TTLL4: variants seen among roughly 807,000 people sequenced by gnomAD.
The protein encoded by TTLL4 is tubulin monoglutamylase TTLL4.
A neutral mutation model predicts 122.7 loss-of-function variants in TTLL4; 85 were observed. The observed-to-expected ratio is 0.69, with a 90% confidence interval of 0.58 to 0.83. TTLL4 has a LOEUF of 0.83. TTLL4 is among the 40% of genes least tolerant of loss of function. The pLI is 0.00. For synonymous variants in TTLL4, 553 were observed against 563.0 expected (o/e 0.98, Z 0.25); for missense variants, 1,363 against 1,488.6 (o/e 0.92, Z 1.39).
Position 218,754,131 on chromosome 2 carries a change from C to T in TTLL4, c.3345-3C>T. ...CATTTCTTTCACCACCTATTCCCTC[C>T]AGAAAACAAAGCTCCTGTGAGGTTA... is the stretch of plus-strand genomic sequence containing the variant. On this transcript the variant is annotated splice_region_variant and splice_polypyrimidine_tract_variant and intron_variant, in intron 19 of 19. Coordinates refer to ENST00000392102, the MANE Select transcript of TTLL4 (RefSeq NM_014640.5). 1 of 1,614,114 alleles carries T rather than the reference C, an allele frequency of 6.2e-7. No homozygotes were observed. Among genetic ancestry groups the T allele is most frequent in the Admixed American group, 1.7e-5 (1 of 59,996 alleles).
chr2:218,734,369 G>A (rs1444760592), intron 2 of TTLL4, among the ~76,000 whole-genome samples: 1 of 152,186 alleles, frequency 6.6e-6, no homozygotes, highest in Non-Finnish European at 1.5e-5. Flanking sequence ...AGCACTTCCT[G>A]TGTATCAGTC....
chr2:218,723,064 G>A (rs1251482339), intron 1 of TTLL4, among the ~76,000 whole-genome samples: 1 of 152,206 alleles, frequency 6.6e-6, no homozygotes, highest in African/African-American at 2.4e-5. Context: ...TTGGACAAGA[G>A]GGGAATGTGA....
downstream of TTLL4, among the ~76,000 whole-genome samples, chr2:218,756,731 A>G (rs1943158227): frequency 1.3e-5 from 2 of 152,166 alleles, no homozygotes; most frequent in African/African-American, 2.4e-5. Flanking sequence ...TTGTTTTCCT[A>G]AGTTGATAAC....
At chr2:218,745,424 C>A in intron 6 of TTLL4, 191 bp downstream of exon 6, 2 of 708,456 alleles carry the variant, frequency 2.8e-6, no homozygotes, top group Non-Finnish European at 4.6e-6. Context: ...TTTAGCTGAC[C>A]CTTTTCAGCC....
chr2:218,718,026 T>G (rs1941917471), intron 1 of TTLL4, among the ~76,000 whole-genome samples: 1 of 152,198 alleles, frequency 6.6e-6, no homozygotes, highest in East Asian at 1.9e-4. Flanking sequence ...CCTGACCTCG[T>G]GATCCACCTG....
downstream of TTLL4, among the ~76,000 whole-genome samples, chr2:218,758,460 A>G (rs1262461264): frequency 1.1e-4 from 17 of 152,230 alleles, no homozygotes; most frequent in Non-Finnish European, 1.5e-5. Flanking sequence ...CAGAACATAT[A>G]AAGTAAAAGC....
At chr2:218,748,281 C>T in intron 12 of TTLL4, 54 bp downstream of exon 12, 1 of 1,607,326 alleles carries the variant, frequency 6.2e-7, no homozygotes, top group Non-Finnish European at 8.5e-7. Context: ...ATACAGGGTT[C>T]TGGGGTTTTG....
chr2:218,713,163 G>A (rs1255117727), intron 1 of TTLL4, among the ~76,000 whole-genome samples: 4 of 152,136 alleles, frequency 2.6e-5, no homozygotes, highest in African/African-American at 9.7e-5. Context: ...CTGATCGCTT[G>A]AGACCCAGGA....
chr2:218,753,240 C>T, intron 18 of TTLL4, 55 bp downstream of exon 18: 1 of 1,593,604 alleles, frequency 6.3e-7, no homozygotes, highest in Non-Finnish European at 8.6e-7. Context: ...CCTCCTCTGC[C>T]TTATGAGTGC....
intron 17 of TTLL4, 35 bp downstream of exon 17, chr2:218,753,008 T>G (rs1274848355): frequency 6.2e-7 from 1 of 1,613,944 alleles, no homozygotes; most frequent in Non-Finnish European, 8.5e-7. Flanking sequence ...AAAGCCAAGT[T>G]TAGTGAGAGA....
rs545995505 is a variant in TTLL4, at chr2:218,752,770, A to T, written c.2984A>T (p.Tyr995Phe). The T allele has an allele frequency of 2.5e-6, 4 of 1,613,972 alleles. No homozygotes were observed. The highest frequency in any genetic ancestry group is 1.1e-5 in the South Asian group (1 of 91,064). The change falls in exon 17 of 20, where the codon TAT (tyrosine) becomes TTT (phenylalanine). Residue 995 changes from tyrosine to phenylalanine, a missense_variant. By Grantham distance (22) the Tyr-to-Phe change is conservative (BLOSUM62 3). Around this residue, in one of 3 missense-constraint regions of TTLL4, gnomAD observed 596 missense variants for 655.8 expected, o/e 0.91. Transcript: ENST00000392102. ...LTQKIPDQDF[Y>F]ASVLDVLTPD... ...CTGTTCCTTGGACCACAGGACTTCT[A>T]TGCATCTGTGCTGGATGTCCTGACA...
chr2:218,724,523 G>T (rs959435078), intron 1 of TTLL4, among the ~76,000 whole-genome samples: 1 of 152,202 alleles, frequency 6.6e-6, no homozygotes, highest in South Asian at 2.1e-4. Flanking sequence ...AGAACATGCC[G>T]TATTTGTCTT....
chr2:218,734,184 C>T (rs990710006), intron 2 of TTLL4, among the ~76,000 whole-genome samples: 1 of 152,170 alleles, frequency 6.6e-6, no homozygotes, highest in Non-Finnish European at 1.5e-5. Context: ...TTTTCTGAGT[C>T]TTGGATTCAT....
Position 218,738,195 on chromosome 2 carries a change from C to G in TTLL4, c.519C>G (p.Pro173=), listed in dbSNP as rs370623341. Reference sequence around the variant, plus strand: ...CCATGGTCTTCTCCATGGCCCAGCCCATGGCCTCCTCATCCACAGAACCAT... The same window carrying G: ...CCATGGTCTTCTCCATGGCCCAGCCGATGGCCTCCTCATCCACAGAACCAT... ...TSSMVFSMAQ[P]MASSSTEPYL... Residue 173 remains proline, a synonymous_variant, in exon 3 of 20, where the codon CCC becomes CCG. Coordinates refer to ENST00000392102, the MANE Select transcript of TTLL4 (RefSeq NM_014640.5). The G allele has an allele frequency of 1.6e-5, 26 of 1,613,998 alleles. No individual in the cohort carries two copies. The highest frequency in any genetic ancestry group is 2.0e-5 in the Non-Finnish European group (24 of 1,180,030).
chr2:218,722,706 G>A (rs955674156), intron 1 of TTLL4, among the ~76,000 whole-genome samples: 3 of 152,180 alleles, frequency 2.0e-5, no homozygotes, highest in African/African-American at 7.2e-5. Context: ...AAAGAGTACT[G>A]TGTTTTGAAA....
chr2:218,736,432 A>G (rs1215718351), intron 2 of TTLL4: 1 of 152,212 alleles, frequency 6.6e-6, no homozygotes, highest in South Asian at 2.1e-4. Flanking sequence ...CAGGTTTTGT[A>G]TTAAAGGAAA....
At position 218,737,953 on chromosome 2, in the gene TTLL4, A is replaced by G. The variant is rs943392250; in HGVS notation, c.277A>G (p.Thr93Ala). ...CPSTLCSSGT[T>A]AVIAGHSSSC... ...CAGCACTTTATGTAGCTCTGGGACC[A>G]CGGCTGTCATTGCAGGCCACAGCAG... The change falls in exon 3 of 20, where the codon ACG becomes GCG. Residue 93 changes from threonine to alanine, a missense_variant. Transcript: ENST00000392102. 1 of 1,614,056 alleles carries G rather than the reference A, an allele frequency of 6.2e-7. No individual in the cohort carries two copies.
chr2:218,719,481 C>CAT (rs1559356995), intron 1 of TTLL4, among the ~76,000 whole-genome samples: 1 of 151,012 alleles, frequency 6.6e-6, no homozygotes, highest in Non-Finnish European at 1.5e-5. Flanking sequence ...TGCAGACAGG[C>CAT]ATTTGAAAGG....
chr2:218,753,710 G>A (rs762064286), intron 19 of TTLL4, 41 bp downstream of exon 19: 1 of 1,599,670 alleles, frequency 6.3e-7, no homozygotes, highest in African/African-American at 1.3e-5. Context: ...CTGGCTGTGA[G>A]TTTGTAGAGT....
Sources: gnomAD v4.1 joint callset for allele counts (sites outside exome capture counted in the v4.1 genomes callset) on GRCh38, gnomAD v4.1.1 for gene constraint, gnomAD v4.1.1 regional missense constraint, MANE v1.5 for transcripts, NCBI Gene and HGNC (gene_info 2026-07-23, HGNC 2026-07-21) for gene names.